The following CFTR variants were observed in gnomAD, a reference collection of about 807,000 sequenced individuals.
CFTR encodes CF transmembrane conductance regulator.
Under a neutral mutation model 171.6 loss-of-function variants are expected in CFTR, and 181 were observed. The observed-to-expected ratio is 1.05, with a 90% CI of 0.93 to 1.19. The LOEUF is 1.19. Ranked by LOEUF, CFTR falls within the 50% of genes most tolerant of loss-of-function variation. CFTR has a pLI of 0.00. For missense variants in CFTR, 1,968 were observed against 1,734.7 expected (o/e 1.13, Z -2.39); for synonymous variants, 583 against 608.0 (o/e 0.96, Z 0.60).
rs34105750 is a variant in CFTR, at chr7:117,636,848, C to T, written c.3718-5590C>T. 1.3e-3 allele frequency among the ~76,000 whole-genome samples: 197 copies of T among 149,062 alleles called. 4 individuals are homozygous for T. In the East Asian group the frequency reaches 0.015, roughly 11 times the overall value. ...TTTTTTTTTCTTTTTGAGGTGGAGT[C>T]TCACTGTTGCCCAGGCTGGAGTGCA... On this transcript the variant is annotated intron_variant, in intron 22 of 26. Coordinates refer to ENST00000003084, the MANE Select transcript of CFTR (RefSeq NM_000492.4).
intron 6 of CFTR, among the ~76,000 whole-genome samples, chr7:117,536,151 G>C (rs1330528182): frequency 6.6e-6 from 1 of 152,188 alleles, no homozygotes; most frequent in Non-Finnish European, 1.5e-5. Flanking sequence ...GCTTGAGTTT[G>C]TCAGCTAGAG....
intron 1 of CFTR, among the ~76,000 whole-genome samples, chr7:117,491,309 A>G (rs1234878420): frequency 6.6e-6 from 1 of 152,032 alleles, no homozygotes; most frequent in Non-Finnish European, 1.5e-5. Context: ...CTGTATCTTA[A>G]ATACTCAAAG....
Position 117,534,322 on chromosome 7 carries a change from A to G in CFTR, c.536A>G (p.Gln179Arg). The G allele has an allele frequency of 6.2e-7, 1 of 1,606,588 alleles. No individual in the cohort carries two copies. The highest frequency in any genetic ancestry group is 8.5e-7 in the Non-Finnish European group (1 of 1,173,610). ...GTTCTAGATAAAATAAGTATTGGAC[A>G]ACTTGTTAGTCTCCTTTCCAACAAC... ...SRVLDKISIG[Q>R]LVSLLSNNLN... The change falls in exon 5 of 27, where the codon CAA becomes CGA. Residue 179 changes from glutamine (Q) to arginine (R), a missense_variant. Transcript: ENST00000003084.
intron 11 of CFTR, among the ~76,000 whole-genome samples, chr7:117,587,362 A>C (rs981198405): frequency 2.6e-5 from 4 of 152,114 alleles, no homozygotes; most frequent in African/African-American, 9.7e-5. Context: ...AAAAGAGTGA[A>C]CTTAAATTGG....
intron 4 of CFTR, among the ~76,000 whole-genome samples, chr7:117,532,116 A>T (rs1798875220): frequency 6.6e-6 from 1 of 152,058 alleles, no homozygotes; most frequent in African/African-American, 2.4e-5. Context: ...CACAGTTATC[A>T]CCTCAGCTAC....
chr7:117,664,561 G>A, intron 24 of CFTR, 127 bp from the exon 25 acceptor site: 1 of 816,608 alleles, frequency 1.2e-6, no homozygotes, highest in Non-Finnish European at 2.1e-6. Flanking sequence ...AATGGTGGCA[G>A]GTAGTGGGGG....
At chr7:117,616,275 G>A (rs1417641504) in intron 21 of CFTR, 1 of 151,346 alleles carries the variant, frequency 6.6e-6, no homozygotes, top group Non-Finnish European at 1.5e-5. Context: ...AGCTTCTGTA[G>A]TTCGGTCTTT....
chr7:117,493,084 T>C (rs1181567310), intron 1 of CFTR, among the ~76,000 whole-genome samples: 1 of 152,140 alleles, frequency 6.6e-6, no homozygotes, highest in Non-Finnish European at 1.5e-5. Flanking sequence ...CAGCGTTTCC[T>C]TTAAAGTTCA....
At chr7:117,581,628 C>T (rs987269901) in intron 11 of CFTR, among the ~76,000 whole-genome samples, 1 of 152,130 alleles carries the variant, frequency 6.6e-6, no homozygotes, top group East Asian at 1.9e-4. Flanking sequence ...AAGTTAGGGC[C>T]AGAAAAGACT....
Position 117,509,515 on chromosome 7 carries a change from C to G in CFTR, c.273+373C>G, listed in dbSNP as rs531476423. On this transcript the variant is annotated intron_variant, in intron 3 of 26. Transcript: ENST00000003084. ...AATGTCAGCAGAATTAGGTCAAATG[C>G]AGCTAATTACATATATGAATGTTTG... Among the ~76,000 whole-genome samples the G allele has an allele frequency of 2.6e-5, 4 of 152,170 alleles. No individual in the cohort carries two copies. The South Asian group carries it at 8.3e-4, about 32-fold the overall frequency.
chr7:117,591,239 A>G (rs1161523541), intron 13 of CFTR, among the ~76,000 whole-genome samples: 1 of 152,136 alleles, frequency 6.6e-6, no homozygotes, highest in Non-Finnish European at 1.5e-5. Context: ...TATAAACTTT[A>G]CTACATTTGT....
At chr7:117,662,856 A>T (rs2283058) in intron 24 of CFTR, among the ~76,000 whole-genome samples, 4 of 152,060 alleles carry the variant, frequency 2.6e-5, no homozygotes, top group African/African-American at 9.7e-5. Flanking sequence ...ATAGGTGGTC[A>T]TCAATACCCT....
chr7:117,523,381 G>GT (rs202247662), intron 3 of CFTR, among the ~76,000 whole-genome samples: 33,798 of 142,480 alleles, frequency 0.24, 4,300 homozygotes, highest in East Asian at 0.5. Flanking sequence ...TTTGTTTTTT[G>GT]TTTTTTTTTT....
chr7:117,512,989 A>G (rs2116647007), intron 3 of CFTR, among the ~76,000 whole-genome samples: 1 of 152,282 alleles, frequency 6.6e-6, no homozygotes, highest in South Asian at 2.1e-4. Context: ...CTATATGGCA[A>G]AGGAGGATCT....
At chr7:117,500,997 A>G (rs369833301) in intron 1 of CFTR, among the ~76,000 whole-genome samples, 1 of 152,322 alleles carries the variant, frequency 6.6e-6, no homozygotes. Flanking sequence ...ATTTATGGGA[A>G]AGGTCACTGG....
At chr7:117,611,066 C>T (rs1584821960) in intron 19 of CFTR, among the ~76,000 whole-genome samples, 1 of 152,146 alleles carries the variant, frequency 6.6e-6, no homozygotes, top group Non-Finnish European at 1.5e-5. Context: ...GACACCCTTT[C>T]TTCATGTGTT....
In CFTR at chr7:117,667,924, C is replaced by A. The variant is rs1439823587; in HGVS notation, c.*816C>A. On this transcript the variant is annotated 3_prime_UTR_variant, in exon 27 of 27. Transcript: ENST00000003084. ...CTCCAGAAAGTGACAAGCTCACAGA[C>A]CTTTGAACTAGAGTTTAGCTGGAAA... The A allele has an allele frequency of 6.6e-6, 1 of 152,342 alleles. No individual in the cohort carries two copies. Among genetic ancestry groups the A allele is most frequent in the Admixed American group, 6.5e-5 (1 of 15,296 alleles). 9.4% of individuals were successfully genotyped at this position (152,342 alleles called of 1,614,324 possible). A position where few individuals can be genotyped will look rare whatever the true frequency, so the allele number is the denominator to read the frequency against.
At chr7:117,569,152 G>A (rs1294236846) in intron 11 of CFTR, among the ~76,000 whole-genome samples, 2 of 152,128 alleles carry the variant, frequency 1.3e-5, no homozygotes, top group African/African-American at 4.8e-5. Context: ...ATCACCAATG[G>A]TGAGTGTAGT....
Position 117,594,996 on chromosome 7 carries a change from A to G in CFTR, c.2557A>G (p.Ile853Val), listed in dbSNP as rs780187979. 174 of 1,612,898 alleles carry G rather than the reference A, an allele frequency of 1.1e-4. No homozygotes were observed. The highest frequency in any genetic ancestry group is 1.3e-4 in the Non-Finnish European group (156 of 1,179,312). ...VTTWNTYLRYITVHKSLIFVL... is the reference protein window; with the variant it reads ...VTTWNTYLRYVTVHKSLIFVL... ...TACATGGAACACATACCTTCGATAT[A>G]TTACTGTCCACAAGAGCTTAATTTT... The change falls in exon 15 of 27, where the codon ATT becomes GTT. Residue 853 changes from isoleucine to valine, a missense_variant. By Grantham distance (29) the Ile-to-Val change is conservative (BLOSUM62 3). Transcript: ENST00000003084.
Sources: gnomAD v4.1 joint callset for allele counts (sites outside exome capture counted in the v4.1 genomes callset) on GRCh38, gnomAD v4.1.1 for gene constraint, MANE v1.5 for transcripts, NCBI Gene and HGNC (gene_info 2026-07-23, HGNC 2026-07-21) for gene names.